Variants in TMEM135 observed in about 807,000 individuals in gnomAD.
The protein encoded by TMEM135 is peroxisomal membrane protein 52.
TMEM135 carries 30 observed loss-of-function variants against 60.3 expected under a neutral mutation model. The ratio of observed to expected loss-of-function variants is 0.50; its 90% CI spans 0.37 to 0.68. The LOEUF is 0.68. TMEM135 is among the 30% of genes least tolerant of loss of function. TMEM135 has a pLI of 0.00. For missense variants in TMEM135, 468 were observed against 548.8 expected (o/e 0.85, Z 1.47); for synonymous variants, 190 against 186.7 (o/e 1.02, Z -0.14).
intron 6 of TMEM135, among the ~76,000 whole-genome samples, chr11:87,293,954 T>C (rs1942308968): frequency 6.6e-6 from 1 of 152,222 alleles, no homozygotes; most frequent in African/African-American, 2.4e-5. Context: ...TCCACCATGG[T>C]TGAACTAATT....
intron 5 of TMEM135, among the ~76,000 whole-genome samples, chr11:87,170,961 C>T (rs1939221225): frequency 6.6e-6 from 1 of 152,154 alleles, no homozygotes; most frequent in Admixed American, 6.5e-5. Flanking sequence ...CCTGGGGCTG[C>T]TGGCTTTCTT....
intron 6 of TMEM135, among the ~76,000 whole-genome samples, chr11:87,252,609 C>T (rs1941439642): frequency 6.6e-6 from 1 of 151,716 alleles, no homozygotes; most frequent in South Asian, 2.1e-4. Flanking sequence ...CCCGTCACTA[C>T]TAAAAATACA....
chr11:87,132,817 T>C (rs1042980894), intron 4 of TMEM135, among the ~76,000 whole-genome samples: 12 of 115,616 alleles, frequency 1.0e-4, no homozygotes, highest in African/African-American at 2.4e-4. Context: ...TACATACCTA[T>C]GGTATGTTTT....
chr11:87,297,956 G>C (rs557008448), intron 7 of TMEM135, among the ~76,000 whole-genome samples: 29 of 152,228 alleles, frequency 1.9e-4, no homozygotes, highest in African/African-American at 6.7e-4. Flanking sequence ...AACTTATAAA[G>C]TTGATTCTCA....
At chr11:87,171,959 G>T (rs940981178) in intron 5 of TMEM135, among the ~76,000 whole-genome samples, 10 of 152,122 alleles carry the variant, frequency 6.6e-5, no homozygotes, top group African/African-American at 2.4e-4. Context: ...AGTAATGCTC[G>T]CTTGCTTGCT....
intron 5 of TMEM135, among the ~76,000 whole-genome samples, chr11:87,207,885 G>A (rs1225103952): frequency 1.3e-5 from 2 of 152,130 alleles, no homozygotes; most frequent in African/African-American, 2.4e-5. Flanking sequence ...GCTGGGGCTC[G>A]ACCTTAAAGG....
intron 5 of TMEM135, among the ~76,000 whole-genome samples, chr11:87,160,378 T>C (rs1938839780): frequency 6.6e-6 from 1 of 152,222 alleles, no homozygotes; most frequent in Admixed American, 6.5e-5. Context: ...AGTGATACTT[T>C]ATCTTTTAAA....
chr11:87,157,365 G>A lies in TMEM135; in HGVS notation c.421G>A (p.Gly141Ser). Residue 141 changes from glycine (G) to serine (S), a missense_variant, in exon 5 of 15, where the codon GGT (glycine) becomes AGT (serine). Transcript: ENST00000305494. ...NLATETLFRM[G>S]VARGTITTLR... ...GGCCACAGAAACACTATTCAGAATG[G>A]GTGTAGCAAGAGGAACCATCACAAC... The A allele has an allele frequency of 2.5e-6, 4 of 1,612,728 alleles. No individual in the cohort carries two copies. The highest frequency in any genetic ancestry group is 1.1e-5 in the South Asian group (1 of 90,952).
rs563824171 is a variant in TMEM135, at chr11:87,151,334, G to GAGTC, written c.397-6006_397-6003dup. Among the ~76,000 whole-genome samples the GAGTC allele has an allele frequency of 1.1e-4, 16 of 152,002 alleles. No individual in the cohort carries two copies. The South Asian group carries it at 1.9e-3, about 18-fold the overall frequency. Reference sequence around the variant, plus strand: ...ATAGTTTTGCTGTTATAATTTCTTAGAGTCCTTCAGTTCTCTAAAGGGTTC... The same window carrying GAGTC: ...ATAGTTTTGCTGTTATAATTTCTTAGAGTCAGTCCTTCAGTTCTCTAAAGGGTTC... On this transcript the variant is annotated intron_variant, in intron 4 of 14. Coordinates refer to ENST00000305494, the MANE Select transcript of TMEM135 (RefSeq NM_022918.4).
At position 87,317,703 on chromosome 11, in the gene TMEM135, G is replaced by A. The variant is rs367996089; in HGVS notation, c.1078-434G>A. ...CAAAGTTGAAGAAGAGAAGGCTGTT[G>A]CCACCTGTCAGTGACTTCTTTTGAG... is the stretch of plus-strand genomic sequence containing the variant. On this transcript the variant is annotated intron_variant, in intron 12 of 14. Transcript: ENST00000305494. Among the ~76,000 whole-genome samples, 4 of 152,224 alleles carry A rather than the reference G, an allele frequency of 2.6e-5. No homozygotes were observed. The East Asian group carries it at 7.7e-4, about 29-fold the overall frequency.
chr11:87,232,433 CTAA>C (rs1384981097), intron 5 of TMEM135, among the ~76,000 whole-genome samples: 1 of 152,028 alleles, frequency 6.6e-6, no homozygotes, highest in Non-Finnish European at 1.5e-5. Context: ...TCCAAGTAGC[CTAA>C]TAATTCCTAC....
intron 5 of TMEM135, among the ~76,000 whole-genome samples, chr11:87,204,100 T>G (rs1021836492): frequency 6.6e-6 from 1 of 152,196 alleles, no homozygotes; most frequent in Non-Finnish European, 1.5e-5. Flanking sequence ...TTGGCTCGTT[T>G]ACTTTCAGTA....
Position 87,324,601 on chromosome 11 carries a change from ATT to A in TMEM135, c.*3277_*3278del. On this transcript the variant is annotated 3_prime_UTR_variant, in exon 15 of 15. Coordinates refer to ENST00000305494, the MANE Select transcript of TMEM135 (RefSeq NM_022918.4). ...TGCCTGGCTAATATTTATTTTATTT[ATT>A]TTTTTTTTGTAGAAACAAGGTGTTG... 4 of 398,642 alleles carry A rather than the reference ATT, an allele frequency of 1.0e-5. No homozygotes were observed. The highest frequency in any genetic ancestry group is 3.8e-5 in the South Asian group (2 of 52,960). 24.7% of individuals were successfully genotyped at this position (398,642 alleles called of 1,614,324 possible). A position where few individuals can be genotyped will look rare whatever the true frequency, so the allele number is the denominator to read the frequency against.
intron 6 of TMEM135, among the ~76,000 whole-genome samples, chr11:87,244,518 C>G (rs534628355): frequency 1.2e-4 from 11 of 93,554 alleles, no homozygotes; most frequent in Middle Eastern, 4.7e-3. Flanking sequence ...ATTATTGCCA[C>G]AATTTCAGAG....
chr11:87,274,846 G>A (rs1401205623), intron 6 of TMEM135, among the ~76,000 whole-genome samples: 4 of 147,194 alleles, frequency 2.7e-5, no homozygotes, highest in Non-Finnish European at 6.0e-5. Flanking sequence ...ATTTATATAT[G>A]TGTGTATATA....
chr11:87,045,234 G>T (rs951028518), intron 1 of TMEM135, among the ~76,000 whole-genome samples: 5 of 148,954 alleles, frequency 3.4e-5, no homozygotes, highest in African/African-American at 1.2e-4. Flanking sequence ...GTTTCACTCT[G>T]TTAGCCAGGA....
intron 5 of TMEM135, among the ~76,000 whole-genome samples, chr11:87,180,729 C>T (rs1042298830): frequency 6.6e-6 from 1 of 152,088 alleles, no homozygotes; most frequent in African/African-American, 2.4e-5. Context: ...AAGTCACAGC[C>T]CACCAGGTAG....
intron 1 of TMEM135, among the ~76,000 whole-genome samples, chr11:87,064,929 C>T (rs1326270906): frequency 6.6e-6 from 1 of 151,700 alleles, no homozygotes; most frequent in African/African-American, 2.4e-5. Flanking sequence ...TGGAATCATA[C>T]AGTATGTAGC....
rs1157007195 is a variant in TMEM135 at position 87,325,478 on chromosome 11, G to A, written c.*4145G>A. The A allele has an allele frequency of 4.4e-6, 2 of 453,732 alleles. No homozygotes were observed. Among genetic ancestry groups the A allele is most frequent in the East Asian group, 7.0e-5 (1 of 14,386 alleles). The allele number at this position is 453,732 out of a possible 1,614,324, so 28.1% of individuals were successfully genotyped here. On this transcript the variant is annotated 3_prime_UTR_variant, in exon 15 of 15. Transcript: ENST00000305494. The stretch of plus-strand genomic sequence containing the variant: ...GTCTTTTGGAAATTATTCTGTTGCT[G>A]TTTTATGTGGGCTCTCTCTCTCTCC...
Sources: allele counts gnomAD v4.1 joint callset (sites outside exome capture counted in the v4.1 genomes callset), GRCh38; gene constraint gnomAD v4.1.1; transcripts MANE v1.5; gene names NCBI Gene and HGNC (gene_info 2026-07-23, HGNC 2026-07-21).